Variants in SCLY observed in about 807,000 individuals in gnomAD.
SCLY encodes putative selenocysteine lyase.
SCLY carries 38 observed loss-of-function variants against 50.1 expected under a neutral mutation model. That is an observed-to-expected ratio of 0.76 (90% CI 0.59 to 0.99). The LOEUF is 0.99. Among genes scored for constraint, SCLY ranks in the 50% least tolerant of loss-of-function variants. The pLI is 0.00. For missense variants in SCLY, 600 were observed against 620.0 expected, an observed-to-expected ratio of 0.97 and a Z score of 0.34; for synonymous variants, 243 against 249.4, an observed-to-expected ratio of 0.97 and a Z score of 0.24.
chr2:238,068,638 C>T (rs927957999), intron 3 of SCLY, among the ~76,000 whole-genome samples: 5 of 152,050 alleles, frequency 3.3e-5, no homozygotes, highest in Non-Finnish European at 5.9e-5. Flanking sequence ...TCCAGGTAGC[C>T]GATAGGATTT....
At chr2:238,089,515 C>A (rs141828044) in intron 7 of SCLY, among the ~76,000 whole-genome samples, 28 of 152,332 alleles carry the variant, frequency 1.8e-4, no homozygotes, top group Non-Finnish European at 3.2e-4. Context: ...AAAAGATGAA[C>A]CTTGACCCAA....
intron 7 of SCLY, among the ~76,000 whole-genome samples, chr2:238,086,632 G>A (rs111665312): frequency 1.4e-5 from 2 of 145,530 alleles, no homozygotes; most frequent in Non-Finnish European, 3.0e-5. Context: ...CTCGAGCCCA[G>A]AAGTTCGAGG....
At chr2:238,077,128 C>T (rs1421711229) in intron 4 of SCLY, among the ~76,000 whole-genome samples, 1 of 152,080 alleles carries the variant, frequency 6.6e-6, no homozygotes, top group Non-Finnish European at 1.5e-5. Flanking sequence ...ATCAGTTTCT[C>T]CCTTCAAACC....
intron 8 of SCLY, chr2:238,093,643 C>T: frequency 1.8e-6 from 1 of 571,132 alleles, no homozygotes; most frequent in South Asian, 2.2e-5. Flanking sequence ...TTTGCTGAGG[C>T]ATCTCCAGTG....
chr2:238,093,033 C>G (rs2065384179), intron 8 of SCLY: 1 of 153,008 alleles, frequency 6.5e-6, no homozygotes, highest in Non-Finnish European at 1.5e-5. Flanking sequence ...TCTTCCCACC[C>G]TGGGCACCTC....
Position 238,063,259 on chromosome 2 carries a change from T to G in SCLY, c.90-1098T>G, listed in dbSNP as rs557360618. 3.1e-3 allele frequency among the ~76,000 whole-genome samples: 460 copies of G among 150,346 alleles called. 2 individuals are homozygous for G. The highest frequency in any genetic ancestry group is 0.015 in the South Asian group (72 of 4,784). ...TGGGTTTGTTTTTTTTGTTGTTGTT[T>G]TTTTTTTTTTTGAGACGGACTCTCA... On this transcript the variant is annotated intron_variant, in intron 1 of 11. Coordinates refer to ENST00000254663, the MANE Select transcript of SCLY (RefSeq NM_016510.7).
chr2:238,094,715 G>GC (rs541094774), intron 10 of SCLY, 193 bp downstream of exon 10: 45 of 563,676 alleles, frequency 8.0e-5, no homozygotes, highest in Non-Finnish European at 1.3e-4. Flanking sequence ...CTCGCCGCTG[G>GC]CCCCTCCTCT....
chr2:238,079,626 T>A (rs917435190), intron 4 of SCLY: 3 of 152,226 alleles, frequency 2.0e-5, no homozygotes, highest in Admixed American at 6.5e-5. Flanking sequence ...TTAAATCAGT[T>A]AAGAGAAGCA....
intron 9 of SCLY, 160 bp from the exon 10 acceptor site, chr2:238,094,260 T>A: frequency 1.8e-5 from 12 of 672,356 alleles, no homozygotes; most frequent in Non-Finnish European, 3.1e-5. Flanking sequence ...CCTAATTAAC[T>A]TTGCTTTCCA....
chr2:238,098,013 C>T (rs891215381), intron 11 of SCLY, among the ~76,000 whole-genome samples, 189 bp from the exon 12 acceptor site: 1 of 152,140 alleles, frequency 6.6e-6, no homozygotes. Context: ...CGACTTTGAG[C>T]CACACCTTGA....
chr2:238,093,974 G>C, intron 9 of SCLY, 30 bp downstream of exon 9: 4 of 1,595,648 alleles, frequency 2.5e-6, no homozygotes, highest in Non-Finnish European at 3.4e-6. Context: ...GGCACCAGGA[G>C]GGGGAGGGTG....
At chr2:238,061,370 C>T (rs1485519840) in intron 1 of SCLY, 1 of 688,160 alleles carries the variant, frequency 1.5e-6, no homozygotes. Context: ...GGCCGAAACC[C>T]GAGTGACTTC....
rs62196006 is a variant in SCLY, at chr2:238,098,623, C to A, written c.*268C>A. The A allele has an allele frequency of 0.059, 13,653 of 230,526 alleles. 583 individuals carry two copies. The highest frequency in any genetic ancestry group is 0.079 in the Admixed American group (951 of 12,028). 14.3% of individuals were successfully genotyped at this position (230,526 alleles called of 1,614,324 possible). A position where few individuals can be genotyped will look rare whatever the true frequency, so the allele number is the denominator to read the frequency against. ...CCCACATAGGACCGCCCACATGGGACCGCCCACATGGGACCGCCCACATGG... is the reference window on the plus strand; with the variant it reads ...CCCACATAGGACCGCCCACATGGGAACGCCCACATGGGACCGCCCACATGG... On this transcript the variant is annotated 3_prime_UTR_variant, in exon 12 of 12. Coordinates refer to ENST00000254663, the MANE Select transcript of SCLY (RefSeq NM_016510.7).
At chr2:238,079,371 T>C (rs1405927326) in intron 4 of SCLY, 1 of 152,170 alleles carries the variant, frequency 6.6e-6, no homozygotes, top group African/African-American at 2.4e-5. Flanking sequence ...CCTGGCCAAT[T>C]TCATATCTTT....
At chr2:238,073,194 G>A (rs1378648794) in intron 4 of SCLY, among the ~76,000 whole-genome samples, 1 of 152,174 alleles carries the variant, frequency 6.6e-6, no homozygotes, top group African/African-American at 2.4e-5. Flanking sequence ...TTTCTTGACT[G>A]TCAACTCTAT....
rs2065075872 is a variant in SCLY, at chr2:238,066,897, A to G, written c.203-1168A>G. Among the ~76,000 whole-genome samples the G allele has an allele frequency of 1.3e-5, 2 of 152,220 alleles. No homozygotes were observed. The highest frequency in any genetic ancestry group is 6.5e-5 in the Admixed American group (1 of 15,286). On this transcript the variant is annotated intron_variant, in intron 2 of 11. Transcript: ENST00000254663. This position sits in a 1 kb window ranked among gnomAD's most constrained non-coding sequence, Gnocchi z 4.1. ...AAAGAGGAGCAAAGTCACATCTTAC[A>G]TGGCAGCAGAGAAGAGTGTGCGTGC...
chr2:238,083,907 G>A lies in SCLY; in HGVS notation c.884+553G>A, dbSNP rs931632067. 5.3e-5 allele frequency among the ~76,000 whole-genome samples: 8 copies of A among 152,280 alleles called. No homozygotes were observed. The South Asian group carries it at 6.2e-4, about 12-fold the overall frequency. On this transcript the variant is annotated intron_variant, in intron 7 of 11. Coordinates refer to ENST00000254663, the MANE Select transcript of SCLY (RefSeq NM_016510.7). The surrounding 1 kb of genome is among the most constrained non-coding windows in gnomAD (Gnocchi z 4.3). ...TCCCACACTTAGTGCTGAAGAAGCC[G>A]GCAAACCTGATATGCTAGTAAGGGC...
At chr2:238,093,807 C>A in intron 8 of SCLY, 54 bp from the exon 9 acceptor site, 1 of 1,528,014 alleles carries the variant, frequency 6.5e-7, no homozygotes, top group Non-Finnish European at 9.0e-7. Context: ...AGCTTTTTGG[C>A]CCTCCTTTAT....
At chr2:238,078,528 A>G (rs2065196706) in intron 4 of SCLY, 1 of 152,008 alleles carries the variant, frequency 6.6e-6, no homozygotes, top group Non-Finnish European at 1.5e-5. Flanking sequence ...CTATTTATGT[A>G]TAAACTTACC....
Sources: gnomAD v4.1 joint callset for allele counts (sites outside exome capture counted in the v4.1 genomes callset) on GRCh38, gnomAD v4.1.1 for gene constraint, Gnocchi (gnomAD v3.1) non-coding constraint, MANE v1.5 for transcripts, NCBI Gene and HGNC (gene_info 2026-07-23, HGNC 2026-07-21) for gene names.